Variants in THSD7A observed in about 807,000 individuals in gnomAD.
THSD7A encodes the protein thrombospondin type 1 domain containing 7A.
THSD7A carries 96 observed loss-of-function variants against 231.3 expected under a neutral mutation model. That is an observed-to-expected ratio of 0.41 (90% CI 0.35 to 0.49). The LOEUF is 0.49. Ranked by LOEUF, THSD7A falls within the 20% of genes least tolerant of loss-of-function variation. The pLI, the probability that THSD7A is intolerant of heterozygous loss-of-function variation, is 0.05. For missense variants in THSD7A, 2,290 were observed against 2,070.2 expected (o/e 1.11, Z -2.06); for synonymous variants, 940 against 743.3 (o/e 1.26, Z -4.30).
intron 4 of THSD7A, among the ~76,000 whole-genome samples, chr7:11,555,773 G>A (rs544444652): frequency 1.3e-5 from 2 of 151,150 alleles, no homozygotes. Context: ...CAAACACATA[G>A]AATTCCTTTG....
At chr7:11,588,242 T>TG (rs2128339972) in intron 4 of THSD7A, among the ~76,000 whole-genome samples, 1 of 152,318 alleles carries the variant, frequency 6.6e-6, no homozygotes, top group African/African-American at 2.4e-5. Context: ...ATGTCACCCC[T>TG]GGGATGCTGG....
intron 1 of THSD7A, among the ~76,000 whole-genome samples, chr7:11,731,930 T>A (rs1351502877): frequency 6.6e-6 from 1 of 151,716 alleles, no homozygotes; most frequent in Non-Finnish European, 1.5e-5. Flanking sequence ...GTCCAGCTTA[T>A]TTTAGCATCA....
chr7:11,673,714 T>G (rs1025145064), intron 1 of THSD7A, among the ~76,000 whole-genome samples: 2 of 152,210 alleles, frequency 1.3e-5, no homozygotes, highest in Middle Eastern at 6.8e-3. Flanking sequence ...TTCACAAAAC[T>G]GGACTGGGAA....
chr7:11,387,095 GC>G (rs1454694692), intron 23 of THSD7A, among the ~76,000 whole-genome samples: 1 of 152,188 alleles, frequency 6.6e-6, no homozygotes, highest in Non-Finnish European at 1.5e-5. Context: ...CCAGTACCAT[GC>G]TGTTTTGGTT....
At position 11,428,961 on chromosome 7, in the gene THSD7A, C is replaced by A. The variant is rs756022678; in HGVS notation, c.3229G>T (p.Asp1077Tyr). 6.2e-7 allele frequency: 1 copy of A among 1,607,134 alleles called. No homozygotes were observed. Among genetic ancestry groups the A allele is most frequent in the Non-Finnish European group, 8.5e-7 (1 of 1,177,192 alleles). The part of the protein sequence containing the change: ...YNGGRPCPKL[D>Y]HVNQAQVYEV... ...ATAGAAAATACCTGGTTGACATGGT[C>A]CAGTTTGGGGCAAGGCCTTCCTCCA... Residue 1077 changes from aspartate (D) to tyrosine (Y), a missense_variant, in exon 14 of 28, where the codon GAC becomes TAC. Transcript: ENST00000423059.
chr7:11,555,655 A>G (rs1789813633), intron 4 of THSD7A, among the ~76,000 whole-genome samples: 1 of 151,804 alleles, frequency 6.6e-6, no homozygotes, highest in Non-Finnish European at 1.5e-5. Context: ...GGAGTAAGGT[A>G]TTGTCATTTC....
chr7:11,519,576 CT>C (rs1788177631), intron 6 of THSD7A, among the ~76,000 whole-genome samples: 1 of 152,124 alleles, frequency 6.6e-6, no homozygotes, highest in Non-Finnish European at 1.5e-5. Context: ...GCTTTTTACA[CT>C]TTTAGCCATT....
At chr7:11,464,762 A>G (rs1426166614) in intron 9 of THSD7A, among the ~76,000 whole-genome samples, 1 of 152,152 alleles carries the variant, frequency 6.6e-6, no homozygotes, top group African/African-American at 2.4e-5. Flanking sequence ...AACTCTTCAA[A>G]GATATGACAC....
Position 11,482,985 on chromosome 7 carries a change from C to A in THSD7A, c.1823-1003G>T, listed in dbSNP as rs1018177094. ...GATTAATATAGGTGGTTAACGAGGT[C>A]AAGGGAACAGAACAGAATGAAATCA... On this transcript the variant is annotated intron_variant, in intron 6 of 27. Transcript: ENST00000423059. 2.0e-5 allele frequency among the ~76,000 whole-genome samples: 3 copies of A among 152,068 alleles called. No homozygotes were observed. The East Asian group carries it at 5.8e-4, about 29-fold the overall frequency.
At chr7:11,710,729 T>C (rs1182453491) in intron 1 of THSD7A, among the ~76,000 whole-genome samples, 1 of 150,900 alleles carries the variant, frequency 6.6e-6, no homozygotes, top group Non-Finnish European at 1.5e-5. Context: ...CAAAAAAATT[T>C]TTGAATTTTT....
intron 1 of THSD7A, among the ~76,000 whole-genome samples, chr7:11,703,800 T>G (rs945224443): frequency 6.6e-6 from 1 of 151,142 alleles, no homozygotes; most frequent in African/African-American, 2.4e-5. Context: ...ACTGAGCAAA[T>G]TAACATGCTT....
Position 11,831,736 on chromosome 7 carries a change from G to T in THSD7A, c.190+21C>A. 7.0e-7 allele frequency: 1 copy of T among 1,423,536 alleles called. No homozygotes were observed. The allele number at this position is 1,423,536 out of a possible 1,614,324, so 88.2% of individuals were successfully genotyped here. ...GGCCCCAGATGTGAAGATGGGGAAA[G>T]GGTAACTCCGTCCCACTTACCAGTC... On this transcript the variant is annotated intron_variant, in intron 1 of 27. Coordinates refer to ENST00000423059, the MANE Select transcript of THSD7A (RefSeq NM_015204.3). The surrounding 1 kb of genome is among the most constrained non-coding windows in gnomAD (Gnocchi z 5.0).
rs1324135860 is a variant in THSD7A at position 11,636,405 on chromosome 7, C to G, written c.747G>C (p.Glu249Asp). The G allele has an allele frequency of 6.2e-7, 1 of 1,613,792 alleles. No individual in the cohort carries two copies. The highest frequency in any genetic ancestry group is 1.1e-5 in the South Asian group (1 of 91,088). ...CCACATGCAGGCTGTACCTGAGCTC[C>G]TCGGCCTCGCATGGACTGGATTGGC... ...QVCQSSPCEA[E>D]ELRYSLHVGP... Residue 249 changes from glutamate to aspartate, a missense_variant, in exon 2 of 28, where the codon GAG becomes GAC. Transcript: ENST00000423059. This position sits in a 1 kb window ranked among gnomAD's most constrained non-coding sequence, Gnocchi z 10.0.
At chr7:11,755,904 A>T (rs1782659158) in intron 1 of THSD7A, among the ~76,000 whole-genome samples, 1 of 152,124 alleles carries the variant, frequency 6.6e-6, no homozygotes. Flanking sequence ...CAACTTTTAG[A>T]GAAAGGCAAG....
chr7:11,766,225 T>C (rs79720076), intron 1 of THSD7A, among the ~76,000 whole-genome samples: 9,189 of 152,186 alleles, frequency 0.06, 301 homozygotes, highest in East Asian at 0.14. Flanking sequence ...ATATTTCCTA[T>C]AAGTTAGATA....
At chr7:11,812,898 G>A (rs376113498) in intron 1 of THSD7A, among the ~76,000 whole-genome samples, 11 of 152,252 alleles carry the variant, frequency 7.2e-5, no homozygotes, top group East Asian at 3.9e-4. Context: ...AGGTACCTGA[G>A]TTTATTCTTT....
intron 1 of THSD7A, among the ~76,000 whole-genome samples, chr7:11,779,208 A>G (rs990836171): frequency 1.8e-4 from 27 of 152,270 alleles, no homozygotes; most frequent in Middle Eastern, 3.4e-3. Flanking sequence ...TACTTCATCA[A>G]TTCTATAATG....
chr7:11,548,495 C>T (rs556187515), intron 4 of THSD7A, among the ~76,000 whole-genome samples: 2 of 152,162 alleles, frequency 1.3e-5, no homozygotes, highest in South Asian at 4.1e-4. Context: ...AGAAACCCTC[C>T]TTAACTCATT....
chr7:11,417,051 C>T (rs1451991683), intron 17 of THSD7A, among the ~76,000 whole-genome samples: 1 of 152,146 alleles, frequency 6.6e-6, no homozygotes, highest in Non-Finnish European at 1.5e-5. Flanking sequence ...ATAAAAGGTA[C>T]TGGGCAAAAA....
Sources: allele counts gnomAD v4.1 joint callset (sites outside exome capture counted in the v4.1 genomes callset), GRCh38; gene constraint gnomAD v4.1.1; non-coding constraint Gnocchi (gnomAD v3.1); transcripts MANE v1.5; gene names NCBI Gene and HGNC (gene_info 2026-07-23, HGNC 2026-07-21).